The following DLG1 variants were observed in gnomAD, a reference collection of about 807,000 sequenced individuals.
The protein encoded by DLG1 is discs large MAGUK scaffold protein 1, also known as disks large homolog 1.
Under a neutral mutation model 123.4 loss-of-function variants are expected in DLG1, and 42 were observed. The ratio of observed to expected loss-of-function variants is 0.34; its 90% confidence interval spans 0.27 to 0.44. DLG1 has a LOEUF of 0.44. Ranked by LOEUF, DLG1 falls within the 20% of genes least tolerant of loss-of-function variation. The pLI is 1.00. For synonymous variants in DLG1, 317 were observed against 356.2 expected, an observed-to-expected ratio of 0.89 and a Z score of 1.24; for missense variants, 942 against 1,082.6, an observed-to-expected ratio of 0.87 and a Z score of 1.82.
chr3:197,130,740 G>A (rs1002019454), intron 10 of DLG1, 69 bp from the exon 11 acceptor site: 107 of 1,268,746 alleles, frequency 8.4e-5, no homozygotes, highest in Admixed American at 4.8e-4. Context: ...ACAATTTCAC[G>A]AAAAGAAAGG....
intron 24 of DLG1, among the ~76,000 whole-genome samples, chr3:197,051,333 G>C (rs1368127890): frequency 2.7e-5 from 4 of 149,896 alleles, no homozygotes; most frequent in Non-Finnish European, 5.9e-5. Flanking sequence ...TGAGGCAGGA[G>C]AATCGCTTGA....
intron 4 of DLG1, among the ~76,000 whole-genome samples, chr3:197,231,900 C>CA (rs1743326555): frequency 8.1e-6 from 1 of 124,054 alleles, no homozygotes; most frequent in Non-Finnish European, 1.8e-5. Context: ...CAGTTGAAGA[C>CA]AGCCAATTAG....
At chr3:197,298,017 G>A (rs993137256) in intron 1 of DLG1, 9 of 783,604 alleles carry the variant, frequency 1.1e-5, no homozygotes, top group Non-Finnish European at 1.4e-5. Flanking sequence ...CGCTCGCCGC[G>A]GCCCCCCGGC....
chr3:197,278,282 C>CAAAAAA (rs71164203), intron 4 of DLG1, among the ~76,000 whole-genome samples: 9 of 37,524 alleles, frequency 2.4e-4, no homozygotes, highest in African/African-American at 8.1e-4. Context: ...GACTCTGTCC[C>CAAAAAA]AAAAAAAAAA....
intron 24 of DLG1, among the ~76,000 whole-genome samples, chr3:197,045,374 G>GCAAA (rs542372599): frequency 6.6e-6 from 1 of 152,110 alleles, no homozygotes; most frequent in South Asian, 2.1e-4. Context: ...AGTTAATAAA[G>GCAAA]CAAACAAACA....
At chr3:197,223,252 A>G (rs1365100105) in intron 4 of DLG1, among the ~76,000 whole-genome samples, 1 of 152,186 alleles carries the variant, frequency 6.6e-6, no homozygotes, top group Non-Finnish European at 1.5e-5. Flanking sequence ...AGAGACTGAC[A>G]CCAGAAATTA....
At chr3:197,243,251 C>T (rs1749875195) in intron 4 of DLG1, among the ~76,000 whole-genome samples, 2 of 152,102 alleles carry the variant, frequency 1.3e-5, no homozygotes, top group South Asian at 4.1e-4. Flanking sequence ...CTAACAACTT[C>T]GAGTAAGGCG....
intron 22 of DLG1, among the ~76,000 whole-genome samples, chr3:197,062,218 G>A (rs1290033820): frequency 6.6e-6 from 1 of 152,144 alleles, no homozygotes; most frequent in African/African-American, 2.4e-5. Flanking sequence ...TACCTTAAAT[G>A]TGCTCAGAAC....
At chr3:197,106,527 T>C (rs1392053386) in intron 13 of DLG1, among the ~76,000 whole-genome samples, 2 of 150,092 alleles carry the variant, frequency 1.3e-5, no homozygotes, top group East Asian at 1.9e-4. Flanking sequence ...TAAAACTCAA[T>C]ACAATGTATA....
At chr3:197,046,853 G>C (rs1034846223) in intron 24 of DLG1, among the ~76,000 whole-genome samples, 1 of 151,958 alleles carries the variant, frequency 6.6e-6, no homozygotes, top group Non-Finnish European at 1.5e-5. Context: ...CTGGGTGACA[G>C]AGTGAGACCC....
rs73086566 is a variant in DLG1 at position 197,191,233 on chromosome 3, C to T, written c.483+3192G>A. On this transcript the variant is annotated intron_variant, in intron 5 of 24. Coordinates refer to ENST00000667157, the MANE Select transcript of DLG1 (RefSeq NM_001366207.1). ...ATAATACACCCTTGCATAAGGGAAA[C>T]GGAAGACTCTGGAGAGGCCTAAACC... 9.8e-3 allele frequency among the ~76,000 whole-genome samples: 1,490 copies of T among 152,098 alleles called. 23 individuals are homozygous for T. Among genetic ancestry groups the T allele is most frequent in the African/African-American group, 0.033 (1,387 of 41,470 alleles).
intron 4 of DLG1, among the ~76,000 whole-genome samples, chr3:197,251,430 C>T (rs1298108582): frequency 6.6e-6 from 1 of 152,082 alleles, no homozygotes; most frequent in Admixed American, 6.6e-5. Context: ...AAGCACGGTA[C>T]TGGAATAAAA....
chr3:197,295,495 C>T (rs1278174128), intron 3 of DLG1, among the ~76,000 whole-genome samples: 2 of 147,852 alleles, frequency 1.4e-5, no homozygotes, highest in Admixed American at 1.4e-4. Context: ...AAAAAAAAAA[C>T]TTCATTCTTA....
chr3:197,079,449 T>A (rs1177092244), intron 17 of DLG1, among the ~76,000 whole-genome samples: 3 of 152,186 alleles, frequency 2.0e-5, no homozygotes, highest in Non-Finnish European at 4.4e-5. Flanking sequence ...CCCCACTCAG[T>A]ATCATGCATA....
chr3:197,187,120 G>C (rs1716554814), intron 5 of DLG1, among the ~76,000 whole-genome samples: 1 of 152,130 alleles, frequency 6.6e-6, no homozygotes. Flanking sequence ...TATTTATCTA[G>C]AAAACCCTCA....
chr3:197,297,846 C>G (rs1579647539), intron 1 of DLG1: 1 of 985,310 alleles, frequency 1.0e-6, no homozygotes. Flanking sequence ...TGCGCCCCGG[C>G]CAGACTCGGA....
intron 14 of DLG1, among the ~76,000 whole-genome samples, chr3:197,102,704 G>A (rs771929057): frequency 2.2e-4 from 34 of 152,230 alleles, no homozygotes; most frequent in Non-Finnish European, 3.7e-4. Flanking sequence ...GTGAAACCCC[G>A]TCGCTATTAA....
At chr3:197,179,175 G>A (rs1451848890) in intron 5 of DLG1, among the ~76,000 whole-genome samples, 4 of 152,148 alleles carry the variant, frequency 2.6e-5, no homozygotes, top group East Asian at 1.9e-4. Flanking sequence ...GCTGCAATCC[G>A]GATGGTCTGG....
chr3:197,244,769 T>G (rs937958981), intron 4 of DLG1, among the ~76,000 whole-genome samples: 1 of 152,116 alleles, frequency 6.6e-6, no homozygotes, highest in Admixed American at 6.5e-5. Context: ...CCAAGCTGGT[T>G]TGAGTTTTCC....
Sources: gnomAD v4.1 joint callset for allele counts (sites outside exome capture counted in the v4.1 genomes callset) on GRCh38, gnomAD v4.1.1 for gene constraint, MANE v1.5 for transcripts, NCBI Gene and HGNC (gene_info 2026-07-23, HGNC 2026-07-21) for gene names.